LIN7A: variants seen among roughly 807,000 people sequenced by gnomAD.
LIN7A encodes the protein protein lin-7 homolog A.
LIN7A carries 25 observed loss-of-function variants against 29.8 expected under a neutral mutation model. That is an observed-to-expected ratio of 0.84 (90% CI 0.61 to 1.17). LIN7A has a LOEUF of 1.17. LIN7A is among the 50% of genes most tolerant of loss of function. The probability of loss-of-function intolerance (pLI) is 0.00; values close to 1 mark genes in which losing one functional copy is unlikely to be tolerated. For missense variants in LIN7A, 239 were observed against 287.0 expected (o/e 0.83, Z 1.21); for synonymous variants, 118 against 107.5 (o/e 1.10, Z -0.60).
At chr12:80,823,055 C>T (rs971900127) in intron 4 of LIN7A, among the ~76,000 whole-genome samples, 7 of 152,214 alleles carry the variant, frequency 4.6e-5, no homozygotes, top group Non-Finnish European at 8.8e-5. Flanking sequence ...GACCAGTCTG[C>T]AGAGAGGAGC....
At chr12:80,804,650 T>A (rs1330557286) in intron 5 of LIN7A, among the ~76,000 whole-genome samples, 4 of 152,078 alleles carry the variant, frequency 2.6e-5, no homozygotes, top group African/African-American at 9.7e-5. Flanking sequence ...ATGATTCTTG[T>A]GCCTCAGACT....
Position 80,881,290 on chromosome 12 carries a change from A to G in LIN7A, c.201+7961T>C, listed in dbSNP as rs1246397320. On this transcript the variant is annotated intron_variant, in intron 2 of 5. Coordinates refer to ENST00000552864, the MANE Select transcript of LIN7A (RefSeq NM_004664.4). ...GCTTTTGTGTCCCATCACATTTAGC[A>G]ATGCAAATAAAATCAAAGGAAATGT... Among the ~76,000 whole-genome samples the G allele has an allele frequency of 1.3e-5, 2 of 152,218 alleles. 1 individual carries two copies. Among genetic ancestry groups the G allele is most frequent in the East Asian group, 3.8e-4 (2 of 5,196 alleles).
chr12:80,810,920 T>A (rs1408282369), intron 5 of LIN7A, among the ~76,000 whole-genome samples: 1 of 152,218 alleles, frequency 6.6e-6, no homozygotes, highest in Admixed American at 6.5e-5. Context: ...GCAGAGAACT[T>A]CAGAATCTCT....
chr12:80,922,572 A>G (rs1459428747), intron 1 of LIN7A, among the ~76,000 whole-genome samples: 1 of 152,216 alleles, frequency 6.6e-6, no homozygotes, highest in Non-Finnish European at 1.5e-5. Flanking sequence ...CCTGGGAAGA[A>G]GGATCAAAAT....
At chr12:80,799,878 G>A (rs1260047674) in intron 5 of LIN7A, among the ~76,000 whole-genome samples, 1 of 152,074 alleles carries the variant, frequency 6.6e-6, no homozygotes, top group African/African-American at 2.4e-5. Context: ...CAAGCACTGT[G>A]GTGCATGCCT....
chr12:80,912,582 G>T (rs1448722142), intron 1 of LIN7A, among the ~76,000 whole-genome samples: 1 of 151,742 alleles, frequency 6.6e-6, no homozygotes, highest in Non-Finnish European at 1.5e-5. Flanking sequence ...GGGTGTGATG[G>T]CTCACACCTG....
chr12:80,845,357 A>G (rs1020764267), intron 4 of LIN7A, among the ~76,000 whole-genome samples: 4 of 152,330 alleles, frequency 2.6e-5, no homozygotes, highest in African/African-American at 9.6e-5. Context: ...CACATTACAA[A>G]GTAAGGAGCT....
At chr12:80,913,659 C>T (rs1776897350) in intron 1 of LIN7A, among the ~76,000 whole-genome samples, 1 of 152,206 alleles carries the variant, frequency 6.6e-6, no homozygotes, top group African/African-American at 2.4e-5. Flanking sequence ...ACTTTACTGC[C>T]ATAGCGAATA....
intron 2 of LIN7A, among the ~76,000 whole-genome samples, chr12:80,858,562 C>G (rs1873716606): frequency 6.7e-6 from 1 of 149,778 alleles, no homozygotes. Context: ...GGCAGCTGTT[C>G]CCTGTCTTGT....
At chr12:80,916,720 GA>G (rs1430647116) in intron 1 of LIN7A, among the ~76,000 whole-genome samples, 1 of 152,168 alleles carries the variant, frequency 6.6e-6, no homozygotes, top group African/African-American at 2.4e-5. Flanking sequence ...AGTAAAAGCA[GA>G]AGGATATAAC....
chr12:80,937,526 C>CGTTCCCCTTCTCCTCCTGCCTGAGCA, intron 1 of LIN7A, 115 bp downstream of exon 1: 1 of 665,490 alleles, frequency 1.5e-6, no homozygotes, highest in Non-Finnish European at 2.3e-6. Context: ...GGCTCGTCCT[C>CGTTCCCCTTCTCCTCCTGCCTGAGCA]GTTCCCCTTC....
intron 2 of LIN7A, among the ~76,000 whole-genome samples, chr12:80,851,553 A>G (rs1459516853): frequency 6.6e-6 from 1 of 152,126 alleles, no homozygotes; most frequent in Non-Finnish European, 1.5e-5. Flanking sequence ...TGCCTATCTT[A>G]CTTTTCAAGG....
At chr12:80,801,684 T>G (rs760466999) in intron 5 of LIN7A, among the ~76,000 whole-genome samples, 13 of 152,198 alleles carry the variant, frequency 8.5e-5, no homozygotes, top group Non-Finnish European at 1.6e-4. Flanking sequence ...TTATTTTTTG[T>G]GGTGGAAATA....
chr12:80,798,225 C>T (rs909636002), intron 5 of LIN7A, among the ~76,000 whole-genome samples: 1 of 152,148 alleles, frequency 6.6e-6, no homozygotes. Flanking sequence ...AGGCAATTAC[C>T]TCTATGGTCA....
At chr12:80,873,584 T>C (rs1874531043) in intron 2 of LIN7A, among the ~76,000 whole-genome samples, 1 of 151,418 alleles carries the variant, frequency 6.6e-6, no homozygotes, top group African/African-American at 2.4e-5. Flanking sequence ...TGATTTTAAA[T>C]GAGAGGGATA....
chr12:80,834,618 A>G (rs1054158156), intron 4 of LIN7A, among the ~76,000 whole-genome samples: 9 of 152,188 alleles, frequency 5.9e-5, no homozygotes, highest in Non-Finnish European at 1.0e-4. Context: ...ATGTAGTTCT[A>G]ATACCACAAT....
chr12:80,931,210 T>G (rs1403625798), intron 1 of LIN7A, among the ~76,000 whole-genome samples: 1 of 152,206 alleles, frequency 6.6e-6, no homozygotes. Flanking sequence ...ATTTCATAAC[T>G]GACAGGAGCA....
chr12:80,932,338 C>T (rs1037564648), intron 1 of LIN7A, among the ~76,000 whole-genome samples: 9 of 152,126 alleles, frequency 5.9e-5, no homozygotes, highest in African/African-American at 2.2e-4. Flanking sequence ...TTTTAAAGGA[C>T]AAAAGTTTGA....
At chr12:80,914,441 C>T (rs1876928258) in intron 1 of LIN7A, among the ~76,000 whole-genome samples, 1 of 152,172 alleles carries the variant, frequency 6.6e-6, no homozygotes, top group South Asian at 2.1e-4. Flanking sequence ...CTTCCCCATA[C>T]ATTCAATCCC....
Sources: gnomAD v4.1 joint callset for allele counts (sites outside exome capture counted in the v4.1 genomes callset) on GRCh38, gnomAD v4.1.1 for gene constraint, MANE v1.5 for transcripts, NCBI Gene and HGNC (gene_info 2026-07-23, HGNC 2026-07-21) for gene names.